The following CDH13 variants were observed in gnomAD, a reference collection of about 807,000 sequenced individuals.
CDH13 encodes the protein cadherin 13.
CDH13 carries 24 observed loss-of-function variants against 63.8 expected under a neutral mutation model. The observed-to-expected ratio is 0.38, with a 90% CI of 0.27 to 0.53. CDH13 has a LOEUF of 0.53. Among genes scored for constraint, CDH13 ranks in the 20% least tolerant of loss-of-function variants. The pLI is 0.85. For missense variants in CDH13, 1,049 were observed against 903.1 expected (o/e 1.16, Z -2.07); for synonymous variants, 503 against 355.3 (o/e 1.42, Z -4.67).
chr16:83,489,477 C>T lies in CDH13; in HGVS notation c.960+2822C>T, dbSNP rs2073961953. Among the ~76,000 whole-genome samples the T allele has an allele frequency of 2.0e-5, 3 of 152,288 alleles. No homozygotes were observed. The South Asian group carries it at 6.2e-4, about 32-fold the overall frequency. On this transcript the variant is annotated intron_variant, in intron 7 of 13. Coordinates refer to ENST00000567109, the MANE Select transcript of CDH13 (RefSeq NM_001257.5). ...AGTGCAATCCAAAGGAAAGAAATGT[C>T]CCTAAATTTAGGCAAGCTTTGGCTA...
At chr16:83,755,774 A>G (rs912608712) in intron 11 of CDH13, among the ~76,000 whole-genome samples, 8 of 151,698 alleles carry the variant, frequency 5.3e-5, no homozygotes, top group Non-Finnish European at 1.2e-4. Flanking sequence ...ATGGAATTGT[A>G]TTGCAAGCAG....
intron 7 of CDH13, among the ~76,000 whole-genome samples, chr16:83,583,835 T>C (rs1905873764): frequency 6.6e-6 from 1 of 152,018 alleles, no homozygotes; most frequent in South Asian, 2.1e-4. Context: ...AAGAATCACT[T>C]GAGCCCACGA....
intron 7 of CDH13, among the ~76,000 whole-genome samples, chr16:83,573,400 C>T (rs916422239): frequency 6.6e-6 from 1 of 152,160 alleles, no homozygotes; most frequent in African/African-American, 2.4e-5. Context: ...GACAGTCTGT[C>T]AGCATGGAGG....
chr16:83,647,196 G>C (rs937694878), intron 8 of CDH13, among the ~76,000 whole-genome samples: 1 of 151,732 alleles, frequency 6.6e-6, no homozygotes, highest in Non-Finnish European at 1.5e-5. Context: ...TGTAGTCCCA[G>C]CTACTCGGGA....
At chr16:83,751,170 G>A (rs1913051331) in intron 11 of CDH13, among the ~76,000 whole-genome samples, 1 of 152,130 alleles carries the variant, frequency 6.6e-6, no homozygotes, top group Non-Finnish European at 1.5e-5. Context: ...CTACCATGGT[G>A]CCTGACTTAG....
At chr16:83,112,071 G>T (rs886167238) in intron 3 of CDH13, among the ~76,000 whole-genome samples, 3 of 152,130 alleles carry the variant, frequency 2.0e-5, no homozygotes, top group Non-Finnish European at 2.9e-5. Flanking sequence ...TCCATTTTTG[G>T]AAACAGTAAT....
chr16:82,681,059 G>T (rs1354089134), intron 1 of CDH13, among the ~76,000 whole-genome samples: 1 of 152,178 alleles, frequency 6.6e-6, no homozygotes, highest in East Asian at 1.9e-4. Context: ...GGTCTGTTCT[G>T]GCATGGCAAA....
At chr16:83,029,049 C>T (rs1283665234) in intron 2 of CDH13, among the ~76,000 whole-genome samples, 1 of 152,200 alleles carries the variant, frequency 6.6e-6, no homozygotes, top group Non-Finnish European at 1.5e-5. Flanking sequence ...AGAAGGGGAT[C>T]AAAATAGTAC....
chr16:83,219,396 T>C (rs1349723095), intron 5 of CDH13, among the ~76,000 whole-genome samples: 1 of 152,198 alleles, frequency 6.6e-6, no homozygotes, highest in Non-Finnish European at 1.5e-5. Flanking sequence ...ATTCAAATCA[T>C]GGCTATCATG....
At chr16:83,714,874 T>C (rs994913236) in intron 10 of CDH13, among the ~76,000 whole-genome samples, 121 of 152,096 alleles carry the variant, frequency 8.0e-4, no homozygotes, top group African/African-American at 2.8e-3. Context: ...TAATTAACGG[T>C]TTTGCCAACT....
At chr16:82,775,268 C>G (rs1385089270) in intron 1 of CDH13, among the ~76,000 whole-genome samples, 2 of 152,204 alleles carry the variant, frequency 1.3e-5, no homozygotes, top group Admixed American at 1.3e-4. Flanking sequence ...TCACTGTAAT[C>G]ATGATATACA....
At chr16:82,954,512 A>G (rs1454967152) in intron 2 of CDH13, 1 of 152,130 alleles carries the variant, frequency 6.6e-6, no homozygotes, top group Non-Finnish European at 1.5e-5. Context: ...AGCGCTTGTG[A>G]TGGTGTGCTC....
intron 1 of CDH13, among the ~76,000 whole-genome samples, chr16:82,693,671 G>A: frequency 6.6e-6 from 1 of 152,202 alleles, no homozygotes; most frequent in Non-Finnish European, 1.5e-5. Flanking sequence ...AATGAGCACT[G>A]CTGTGCACCC....
intron 10 of CDH13, among the ~76,000 whole-genome samples, chr16:83,691,989 A>C (rs8058766): frequency 1 from 151,883 of 152,210 alleles, 75,778 homozygotes; most frequent in Middle Eastern, 1. Flanking sequence ...GACAATAAGG[A>C]TTAGGAAGAT....
Position 83,773,712 on chromosome 16 carries a change from C to A in CDH13, c.1682-6256C>A, listed in dbSNP as rs187056947. Among the ~76,000 whole-genome samples the A allele has an allele frequency of 3.9e-5, 6 of 152,240 alleles. No individual in the cohort carries two copies. In the East Asian group the frequency reaches 1.2e-3, roughly 29 times the overall value. On this transcript the variant is annotated intron_variant, in intron 11 of 13. Transcript: ENST00000567109. ...AGTCCAGCACAGGGGAAGGTTATGGCCCTCTTGGTCAAGCCTATCTATCCT... is the reference window on the plus strand; with the variant it reads ...AGTCCAGCACAGGGGAAGGTTATGGACCTCTTGGTCAAGCCTATCTATCCT...
intron 8 of CDH13, among the ~76,000 whole-genome samples, chr16:83,670,214 G>T (rs1718441168): frequency 6.6e-6 from 1 of 152,180 alleles, no homozygotes; most frequent in Non-Finnish European, 1.5e-5. Flanking sequence ...AGGATCTGGG[G>T]TCAAATCCCA....
chr16:83,117,042 T>C (rs1400373380), intron 3 of CDH13, among the ~76,000 whole-genome samples: 1 of 152,236 alleles, frequency 6.6e-6, no homozygotes, highest in Non-Finnish European at 1.5e-5. Flanking sequence ...GCTTGTTATC[T>C]TACGACAGAC....
chr16:82,850,577 G>C (rs2151151168), intron 1 of CDH13, among the ~76,000 whole-genome samples: 1 of 152,312 alleles, frequency 6.6e-6, no homozygotes, highest in Admixed American at 6.5e-5. Flanking sequence ...CAGGGTTTGA[G>C]AGGACTGCTT....
intron 1 of CDH13, among the ~76,000 whole-genome samples, chr16:82,853,569 G>C (rs929879313): frequency 1.3e-5 from 2 of 152,198 alleles, no homozygotes; most frequent in African/African-American, 2.4e-5. Flanking sequence ...ACTTGCCCAA[G>C]GATAGCCCGC....
Sources: allele counts gnomAD v4.1 joint callset (sites outside exome capture counted in the v4.1 genomes callset), GRCh38; gene constraint gnomAD v4.1.1; transcripts MANE v1.5; gene names NCBI Gene and HGNC (gene_info 2026-07-23, HGNC 2026-07-21).